SLC25A14: variants seen among roughly 807,000 people sequenced by gnomAD.
SLC25A14 encodes the protein solute carrier family 25 member 14, also known as brain mitochondrial carrier protein 1.
In SLC25A14, 8 loss-of-function variants were observed where a neutral mutation model predicts 28.1. That is an observed-to-expected ratio of 0.28 (90% CI 0.17 to 0.51). The LOEUF (loss-of-function observed/expected upper bound fraction) is 0.51. Among genes scored for constraint, SLC25A14 ranks in the 20% least tolerant of loss-of-function variants. The probability of loss-of-function intolerance (pLI) is 0.97; values close to 1 mark genes in which losing one functional copy is unlikely to be tolerated. For synonymous variants in SLC25A14, 74 were observed against 90.6 expected (o/e 0.82, Z 1.04); for missense variants, 135 against 263.8 (o/e 0.51, Z 3.38).
intron 9 of SLC25A14, among the ~76,000 whole-genome samples, chrX:130,367,604 AG>A (rs745905109): frequency 9.0e-6 from 1 of 111,712 alleles, no homozygotes; most frequent in East Asian, 2.8e-4. Context: ...TAGGTAGAGG[AG>A]TTCACAACCT....
intron 7 of SLC25A14, among the ~76,000 whole-genome samples, chrX:130,361,555 T>C (rs1391886866): frequency 8.9e-6 from 1 of 112,842 alleles, no homozygotes; most frequent in Non-Finnish European, 1.9e-5. Flanking sequence ...ATCTTCCTGC[T>C]CTGATTGTAA....
At position 130,365,628 on chromosome X, in the gene SLC25A14, C is replaced by T. The variant is rs376247628; in HGVS notation, c.807C>T (p.Ile269=). The change falls in exon 9 of 11, where the codon ATC becomes ATT. Residue 269 remains isoleucine (I), a synonymous_variant. Transcript: ENST00000545805. ...CTCGCATGATGAACCAGAGGGCAAT[C>T]GTGGGACATGTGGATCTCTATAAGG... is the stretch of plus-strand genomic sequence containing the variant. ...VRTRMMNQRA[I]VGHVDLYKGT... is the part of the protein sequence containing the mutation. The T allele has an allele frequency of 2.6e-5, 32 of 1,209,249 alleles. No individual in the cohort carries two copies. The highest frequency in any genetic ancestry group is 3.2e-5 in the Non-Finnish European group (29 of 894,785).
At chrX:130,349,429 C>T in intron 5 of SLC25A14, 84 bp downstream of exon 5, 1 of 550,558 alleles carries the variant, frequency 1.8e-6, no homozygotes, top group Non-Finnish European at 3.0e-6. Context: ...TCATGAGGTG[C>T]CTGAGAATGG....
Position 130,349,358 on chromosome X carries a change from AC to A in SLC25A14, c.412+16del, listed in dbSNP as rs772817768. On this transcript the variant is annotated intron_variant, in intron 5 of 10. Transcript: ENST00000545805. ...GAACGTTTAGAAGGTCAGTATACTT[AC>A]CCTCTTTTGAGGTGATACTCAAAGG... The A allele has an allele frequency of 3.8e-6, 4 of 1,060,030 alleles. No homozygotes were observed. The highest frequency in any genetic ancestry group is 2.7e-4 in the Middle Eastern group (1 of 3,716). 87.4% of individuals were successfully genotyped at this position (1,060,030 alleles called of 1,213,427 possible).
rs1167050767 is a variant in SLC25A14 at position 130,371,557 on chromosome X, C to A, written c.856-7C>A. 1 of 1,196,478 alleles carries A rather than the reference C, an allele frequency of 8.4e-7. No homozygotes were observed. Among genetic ancestry groups the A allele is most frequent in the Middle Eastern group, 2.3e-4 (1 of 4,323 alleles). Reference sequence around the variant, plus strand: ...TCACTCTGTTTTTGGTTATATCTTTCCTGCAGATGTGGAAACATGAGGGCT... The same window carrying A: ...TCACTCTGTTTTTGGTTATATCTTTACTGCAGATGTGGAAACATGAGGGCT... On this transcript the variant is annotated splice_polypyrimidine_tract_variant and splice_region_variant and intron_variant, in intron 9 of 10. Coordinates refer to ENST00000545805, the MANE Select transcript of SLC25A14 (RefSeq NM_001282195.2).
chrX:130,342,416 T>A (rs1234133542), intron 2 of SLC25A14, among the ~76,000 whole-genome samples: 1 of 111,676 alleles, frequency 9.0e-6, no homozygotes, highest in Non-Finnish European at 1.9e-5. Context: ...AAGAGAAAGA[T>A]CATGGATATT....
intron 9 of SLC25A14, among the ~76,000 whole-genome samples, chrX:130,367,097 A>G (rs893762510): frequency 2.7e-5 from 3 of 112,139 alleles, no homozygotes; most frequent in Non-Finnish European, 3.8e-5. Context: ...TGCATTTTTA[A>G]TAAATTCCCA....
At chrX:130,359,352 C>CAA (rs55826694) in intron 7 of SLC25A14, among the ~76,000 whole-genome samples, 108 of 25,131 alleles carry the variant, frequency 4.3e-3, no homozygotes, top group Admixed American at 5.3e-3. Flanking sequence ...GACTCTGTCT[C>CAA]AAAAAAAAAA....
At chrX:130,354,511 A>G (rs1264384449) in intron 6 of SLC25A14, among the ~76,000 whole-genome samples, 1 of 112,156 alleles carries the variant, frequency 8.9e-6, no homozygotes, top group African/African-American at 3.2e-5. Flanking sequence ...GTCTCCATAT[A>G]CAAGTATTTA....
chrX:130,355,767 G>C (rs2033769765), intron 6 of SLC25A14, among the ~76,000 whole-genome samples: 1 of 111,480 alleles, frequency 9.0e-6, no homozygotes, highest in African/African-American at 3.3e-5. Flanking sequence ...TTATTCTAGA[G>C]TACCCCACTC....
chrX:130,373,108 T>C lies in SLC25A14; in HGVS notation c.*158T>C, dbSNP rs2034304587. 2.3e-6 allele frequency: 1 copy of C among 433,540 alleles called. No homozygotes were observed. Among genetic ancestry groups the C allele is most frequent in the Admixed American group, 4.3e-5 (1 of 23,186 alleles). 35.7% of individuals were successfully genotyped at this position (433,540 alleles called of 1,213,427 possible). A position where few individuals can be genotyped will look rare whatever the true frequency, so the allele number is the denominator to read the frequency against. The stretch of plus-strand genomic sequence containing the variant: ...GAACAGTGGGGTGGTTCAAAGTTAT[T>C]TCTATGTTTGTGTTACCATGTTAAC... On this transcript the variant is annotated 3_prime_UTR_variant, in exon 11 of 11. Transcript: ENST00000545805.
At chrX:130,354,378 G>C (rs1467466617) in intron 6 of SLC25A14, among the ~76,000 whole-genome samples, 1 of 112,134 alleles carries the variant, frequency 8.9e-6, no homozygotes, top group African/African-American at 3.2e-5. Flanking sequence ...CTCCCAAAGT[G>C]CTGGGATTAC....
chrX:130,365,022 TATCTAATAAGCAC>T (rs67555915), intron 8 of SLC25A14: 316,627 of 793,377 alleles, frequency 0.4, 51,616 homozygotes, highest in Non-Finnish European at 0.42. Flanking sequence ...ATAGCTTCTA[TATCTAATAAGCAC>T]ATCTATTATT....
At chrX:130,349,376 A>G (rs767427461) in intron 5 of SLC25A14, 31 bp downstream of exon 5, 2 of 901,251 alleles carry the variant, frequency 2.2e-6, no homozygotes, top group Non-Finnish European at 3.2e-6. Flanking sequence ...TTGAGGTGAT[A>G]CTCAAAGGGA....
At chrX:130,360,003 A>G (rs1461278907) in intron 7 of SLC25A14, among the ~76,000 whole-genome samples, 1 of 110,678 alleles carries the variant, frequency 9.0e-6, no homozygotes, top group Non-Finnish European at 1.9e-5. Flanking sequence ...CCTAATATCT[A>G]GCCCATATTA....
At chrX:130,365,515 C>A in intron 8 of SLC25A14, 26 bp from the exon 9 acceptor site, 5 of 1,208,630 alleles carry the variant, frequency 4.1e-6, no homozygotes, top group Non-Finnish European at 5.6e-6. Flanking sequence ...AAAGTGGGGT[C>A]GATCTACTTA....
chrX:130,365,365 T>C (rs2034089608), intron 8 of SLC25A14, 176 bp from the exon 9 acceptor site: 15 of 1,029,151 alleles, frequency 1.5e-5, no homozygotes, highest in Non-Finnish European at 1.7e-5. Flanking sequence ...GGGACAGCCT[T>C]TGAATGATGT....
chrX:130,367,843 C>T (rs934980793), intron 9 of SLC25A14, among the ~76,000 whole-genome samples: 2 of 112,033 alleles, frequency 1.8e-5, no homozygotes. Flanking sequence ...AGTGCAATGG[C>T]GTGATCTCTG....
chrX:130,355,476 A>T (rs1274258782), intron 6 of SLC25A14, among the ~76,000 whole-genome samples: 1 of 112,319 alleles, frequency 8.9e-6, no homozygotes, highest in Non-Finnish European at 1.9e-5. Context: ...AGATTTTGCT[A>T]CATGTGCTTT....
Sources: gnomAD v4.1 joint callset for allele counts (sites outside exome capture counted in the v4.1 genomes callset) on GRCh38, gnomAD v4.1.1 for gene constraint, MANE v1.5 for transcripts, NCBI Gene and HGNC (gene_info 2026-07-23, HGNC 2026-07-21) for gene names.